The following SLC2A14 variants were observed in gnomAD, a reference collection of about 807,000 sequenced individuals.
SLC2A14 encodes solute carrier family 2, facilitated glucose transporter member 14.
In SLC2A14, 13 loss-of-function variants were observed where a neutral mutation model predicts 43.0. The observed-to-expected ratio is 0.30, with a 90% CI of 0.20 to 0.48. The LOEUF (loss-of-function observed/expected upper bound fraction) is 0.48. Ranked by LOEUF, SLC2A14 falls within the 20% of genes least tolerant of loss-of-function variation. The probability of loss-of-function intolerance (pLI) is 0.99; values close to 1 mark genes in which losing one functional copy is unlikely to be tolerated. For missense variants in SLC2A14, 428 were observed against 620.4 expected (o/e 0.69, Z 3.29); for synonymous variants, 190 against 233.8 (o/e 0.81, Z 1.71).
At chr12:7,888,107 C>G (rs1362144368) in intron 1 of SLC2A14, among the ~76,000 whole-genome samples, 1 of 152,076 alleles carries the variant, frequency 6.6e-6, no homozygotes, top group Non-Finnish European at 1.5e-5. Context: ...GGTTCTTCCT[C>G]CAGAAATCTA....
intron 2 of SLC2A14, among the ~76,000 whole-genome samples, chr12:7,835,488 A>G (rs1054766914): frequency 1.3e-5 from 2 of 152,250 alleles, no homozygotes; most frequent in African/African-American, 4.8e-5. Flanking sequence ...TTCCAGATGC[A>G]GTTATCTGCA....
chr12:7,826,251 A>G (rs1315959588), intron 7 of SLC2A14, among the ~76,000 whole-genome samples: 6 of 147,392 alleles, frequency 4.1e-5, no homozygotes, highest in Non-Finnish European at 7.4e-5. Context: ...AGACAGGGTC[A>G]TGCTATATTG....
intron 9 of SLC2A14, 48 bp downstream of exon 9, chr12:7,819,434 A>G (rs759208752): frequency 3.4e-5 from 55 of 1,605,290 alleles, no homozygotes; most frequent in Admixed American, 1.2e-4. Context: ...GTCAACTGTA[A>G]CCTCTCTTCT....
chr12:7,882,908 AAGACTC>A (rs1945613082), intron 1 of SLC2A14, among the ~76,000 whole-genome samples: 1 of 151,508 alleles, frequency 6.6e-6, no homozygotes, highest in East Asian at 1.9e-4. Context: ...AAAAAGGACT[AAGACTC>A]TTAAATGCTC....
At chr12:7,816,531 C>G (rs1592137465) in intron 10 of SLC2A14, among the ~76,000 whole-genome samples, 1 of 151,498 alleles carries the variant, frequency 6.6e-6, no homozygotes, top group South Asian at 2.1e-4. Context: ...GCCATCTCAC[C>G]CATCTTCTTT....
chr12:7,839,785 C>T (rs1429655435), intron 2 of SLC2A14: 2 of 452,372 alleles, frequency 4.4e-6, no homozygotes, highest in Admixed American at 4.7e-5. Context: ...ACAGAAGGGG[C>T]TTCGGAGGCC....
chr12:7,849,371 G>A (rs1866732832), intron 2 of SLC2A14, among the ~76,000 whole-genome samples: 1 of 151,946 alleles, frequency 6.6e-6, no homozygotes, highest in Non-Finnish European at 1.5e-5. Flanking sequence ...AGGTGTGGTG[G>A]CGCCCACCTG....
intron 1 of SLC2A14, among the ~76,000 whole-genome samples, chr12:7,870,514 G>A (rs1448991136): frequency 6.6e-6 from 1 of 152,060 alleles, no homozygotes; most frequent in Non-Finnish European, 1.5e-5. Flanking sequence ...CTGAAGGTCT[G>A]CTGAGATACG....
upstream of SLC2A14, chr12:7,873,039 C>T (rs1384001004): frequency 6.1e-6 from 6 of 985,484 alleles, no homozygotes; most frequent in Non-Finnish European, 6.0e-6. Flanking sequence ...AGCAGGGGTC[C>T]GGCTCGCGGT....
upstream of SLC2A14, among the ~76,000 whole-genome samples, chr12:7,874,568 AG>A (rs1414029042): frequency 2.6e-5 from 4 of 151,392 alleles, no homozygotes; most frequent in African/African-American, 9.7e-5. Flanking sequence ...GCTACTCCGG[AG>A]ACTGAGGCAG....
intron 1 of SLC2A14, chr12:7,871,379 AC>A: frequency 2.3e-6 from 1 of 428,528 alleles, no homozygotes; most frequent in Non-Finnish European, 3.4e-6. Context: ...TGACTAGGCC[AC>A]CCCAGCCCTC....
upstream of SLC2A14, among the ~76,000 whole-genome samples, chr12:7,874,983 ATATATAAAT>A (rs1945424095): frequency 1.3e-5 from 1 of 77,110 alleles, no homozygotes; most frequent in South Asian, 4.5e-4. Context: ...AAATATATTT[ATATATAAAT>A]TATATATAAA....
chr12:7,873,306 C>T, upstream of SLC2A14: 1 of 985,496 alleles, frequency 1.0e-6, no homozygotes, highest in Non-Finnish European at 1.2e-6. Context: ...TCCCCGCGGG[C>T]GGGCCGGCTG....
At chr12:7,825,766 C>CAAAAAAAAAAAAA (rs35156149) in intron 7 of SLC2A14, among the ~76,000 whole-genome samples, 13 of 121,058 alleles carry the variant, frequency 1.1e-4, no homozygotes, top group South Asian at 2.6e-4. Context: ...CTCTGTCTCA[C>CAAAAAAAAAAAAA]AAAAAAAAAA....
At position 7,837,269 on chromosome 12, in the gene SLC2A14, T is replaced by C. The variant is rs550367406; in HGVS notation, c.19-4455A>G. Among the ~76,000 whole-genome samples the C allele has an allele frequency of 4.0e-5, 6 of 149,746 alleles. No individual in the cohort carries two copies. In the Middle Eastern group the frequency reaches 0.01, roughly 256 times the overall value. ...TGCACATACTTTAAATGTATACAAT[T>C]TTATTTGTCAATTATACTTCAGTGA... is the stretch of plus-strand genomic sequence containing the variant. On this transcript the variant is annotated intron_variant, in intron 2 of 10. Coordinates refer to ENST00000431042, the MANE Select transcript of SLC2A14 (RefSeq NM_001286234.2).
At chr12:7,888,811 A>AAAG (rs1555151778) in intron 1 of SLC2A14, among the ~76,000 whole-genome samples, 14 of 100,022 alleles carry the variant, frequency 1.4e-4, no homozygotes, top group African/African-American at 2.4e-4. Flanking sequence ...AAAAAAAAAA[A>AAAG]AAAAGAAAAA....
chr12:7,814,680 A>C (rs1015796380), intron 10 of SLC2A14, 146 bp from the exon 11 acceptor site: 2 of 945,014 alleles, frequency 2.1e-6, no homozygotes, highest in Admixed American at 2.9e-5. Flanking sequence ...TCAGAGATTT[A>C]CTTATGATTC....
At chr12:7,863,592 C>T (rs899607409) in intron 2 of SLC2A14, 14 of 283,670 alleles carry the variant, frequency 4.9e-5, no homozygotes, top group African/African-American at 2.5e-4. Flanking sequence ...ACTGCACTCC[C>T]GCCTGGGTGA....
At chr12:7,863,918 C>T (rs1028150675) in intron 2 of SLC2A14, among the ~76,000 whole-genome samples, 1 of 151,484 alleles carries the variant, frequency 6.6e-6, no homozygotes, top group Admixed American at 6.6e-5. Context: ...CGGGTTCAAG[C>T]GATTCTCCCG....
Sources: gnomAD v4.1 joint callset for allele counts (sites outside exome capture counted in the v4.1 genomes callset) on GRCh38, gnomAD v4.1.1 for gene constraint, MANE v1.5 for transcripts, NCBI Gene and HGNC (gene_info 2026-07-23, HGNC 2026-07-21) for gene names.